The following EXT1 variants were observed in gnomAD, a reference collection of about 807,000 sequenced individuals.
EXT1 encodes exostosin-1.
EXT1 carries 20 observed loss-of-function variants against 82.5 expected under a neutral mutation model. That is an observed-to-expected ratio of 0.24 (90% CI 0.17 to 0.35). The LOEUF (loss-of-function observed/expected upper bound fraction) is 0.35. EXT1 is among the 10% of genes least tolerant of loss of function. The probability of loss-of-function intolerance (pLI) is 1.00; values close to 1 mark genes in which losing one functional copy is unlikely to be tolerated. For synonymous variants in EXT1, 348 were observed against 350.8 expected (o/e 0.99, Z 0.09); for missense variants, 757 against 936.5 (o/e 0.81, Z 2.50).
intron 1 of EXT1, among the ~76,000 whole-genome samples, chr8:118,046,810 G>A (rs910596531): frequency 2.0e-5 from 3 of 152,168 alleles, no homozygotes; most frequent in Non-Finnish European, 4.4e-5. Context: ...GAAGTATAAT[G>A]GAAGAATGAA....
intron 1 of EXT1, among the ~76,000 whole-genome samples, chr8:117,894,235 C>G (rs764196711): frequency 6.6e-6 from 1 of 151,854 alleles, no homozygotes; most frequent in East Asian, 1.9e-4. Context: ...GATGAGGTCT[C>G]GCTATATTGT....
chr8:117,804,722 C>T lies in EXT1; in HGVS notation c.2055G>A (p.Gln685=), dbSNP rs2129693289. The T allele has an allele frequency of 1.2e-6, 2 of 1,614,032 alleles. No homozygotes were observed. Among genetic ancestry groups the T allele is most frequent in the Non-Finnish European group, 1.7e-6 (2 of 1,179,912 alleles). ...GGGAAGAGGGCTCTTCTATACTTAC[C>T]TGTCCCATCATTGTCTCCTTATACT... The part of the protein sequence containing the change: ...KKQYKETMMG[Q]TSRASRWADP... The change falls in exon 10 of 11, where the codon CAG becomes CAA. Residue 685 remains glutamine (Q), a splice_region_variant and synonymous_variant. Transcript: ENST00000378204.
chr8:117,938,467 TAATAAC>T (rs1415653464), intron 1 of EXT1, among the ~76,000 whole-genome samples: 1 of 151,004 alleles, frequency 6.6e-6, no homozygotes, highest in Non-Finnish European at 1.5e-5. Context: ...AACTCAAAAA[TAATAAC>T]AATAATAATA....
At chr8:117,951,205 T>C (rs532125032) in intron 1 of EXT1, among the ~76,000 whole-genome samples, 13 of 152,206 alleles carry the variant, frequency 8.5e-5, no homozygotes, top group Non-Finnish European at 1.8e-4. Context: ...AGAAATAACT[T>C]GGCAACCAGG....
intron 1 of EXT1, among the ~76,000 whole-genome samples, chr8:118,015,657 A>C (rs1351141988): frequency 6.6e-6 from 1 of 152,188 alleles, no homozygotes; most frequent in East Asian, 1.9e-4. Context: ...GACGGCATCT[A>C]AACTAAGAAG....
chr8:117,875,890 T>C (rs190225535), intron 1 of EXT1, among the ~76,000 whole-genome samples: 1 of 152,186 alleles, frequency 6.6e-6, no homozygotes, highest in East Asian at 1.9e-4. Flanking sequence ...GTAGAACCAG[T>C]TTCTAAATTC....
intron 1 of EXT1, among the ~76,000 whole-genome samples, chr8:117,864,907 C>A (rs1331740705): frequency 5.9e-5 from 9 of 152,120 alleles, no homozygotes; most frequent in Admixed American, 5.9e-4. Context: ...TACTTCCTTC[C>A]TCTTCTCCAA....
At chr8:118,031,118 T>C (rs997586773) in intron 1 of EXT1, among the ~76,000 whole-genome samples, 14 of 152,004 alleles carry the variant, frequency 9.2e-5, no homozygotes, top group African/African-American at 3.4e-4. Context: ...AAAGTACAGA[T>C]GGGGTGTGGG....
intron 1 of EXT1, among the ~76,000 whole-genome samples, chr8:118,055,110 C>T (rs73327803): frequency 0.022 from 3,399 of 152,220 alleles, 108 homozygotes; most frequent in African/African-American, 0.078. Context: ...ATACCCATCA[C>T]TCTTTAAAGT....
chr8:117,826,077 A>G (rs148038750), intron 4 of EXT1, among the ~76,000 whole-genome samples: 1 of 152,156 alleles, frequency 6.6e-6, no homozygotes, highest in Non-Finnish European at 1.5e-5. Flanking sequence ...GTTAGTTCTC[A>G]ATTTTCACAA....
intron 1 of EXT1, among the ~76,000 whole-genome samples, chr8:117,986,190 T>TTCTTTTC (rs1554591457): frequency 0.16 from 3,260 of 19,816 alleles, 96 homozygotes; most frequent in African/African-American, 0.48. Context: ...TTCTTTTCTT[T>TTCTTTTC]TTTTTTTTTT....
At chr8:118,025,195 A>G (rs907396629) in intron 1 of EXT1, among the ~76,000 whole-genome samples, 4 of 152,208 alleles carry the variant, frequency 2.6e-5, no homozygotes, top group African/African-American at 9.6e-5. Flanking sequence ...AAAGAGACAC[A>G]GGACTAAGGT....
At chr8:117,914,264 T>C (rs1813704753) in intron 1 of EXT1, among the ~76,000 whole-genome samples, 1 of 152,352 alleles carries the variant, frequency 6.6e-6, no homozygotes, top group Middle Eastern at 3.4e-3. Context: ...TATAATTTCT[T>C]ACACTTGTCT....
intron 1 of EXT1, among the ~76,000 whole-genome samples, chr8:117,884,991 G>A (rs750249455): frequency 1.3e-5 from 2 of 152,196 alleles, no homozygotes; most frequent in Admixed American, 6.5e-5. Flanking sequence ...ATACAGGCCT[G>A]CTGATTTTTT....
intron 1 of EXT1, among the ~76,000 whole-genome samples, chr8:117,892,123 A>G (rs757678023): frequency 2.0e-5 from 3 of 152,066 alleles, no homozygotes; most frequent in Non-Finnish European, 4.4e-5. Context: ...TTTTCTTAGC[A>G]CCAGTCCACT....
chr8:118,006,500 C>G (rs1216537811), intron 1 of EXT1, among the ~76,000 whole-genome samples: 1 of 152,068 alleles, frequency 6.6e-6, no homozygotes, highest in Admixed American at 6.5e-5. Context: ...CTGTGAAATG[C>G]CTATAATACT....
Position 117,822,506 on chromosome 8 carries a change from G to A in EXT1, c.1376C>T (p.Ser459Leu). ...GTAAGGAAAATCTCCCAGATAAGAT[G>A]AATACTGTGGTAGTACGAACAATCC... is the stretch of plus-strand genomic sequence containing the variant. Reference protein sequence around the residue: ...PGGLFVLPQYSSYLGDFPYYY... With the variant: ...PGGLFVLPQYLSYLGDFPYYY... Residue 459 changes from serine to leucine, a missense_variant, in exon 5 of 11, where the codon TCA (serine) becomes TTA (leucine). By Grantham distance (145) the Ser-to-Leu change is moderately radical. Transcript: ENST00000378204. 1 of 1,613,434 alleles carries A rather than the reference G, an allele frequency of 6.2e-7. No individual in the cohort carries two copies. The highest frequency in any genetic ancestry group is 8.5e-7 in the Non-Finnish European group (1 of 1,179,738).
chr8:117,822,405 T>G, intron 5 of EXT1, 60 bp downstream of exon 5: 3 of 1,589,586 alleles, frequency 1.9e-6, no homozygotes, highest in Non-Finnish European at 2.6e-6. Flanking sequence ...TAAAGGCCTT[T>G]AGTTCTGTAT....
At chr8:118,063,942 C>T (rs1159380579) in intron 1 of EXT1, among the ~76,000 whole-genome samples, 1 of 152,188 alleles carries the variant, frequency 6.6e-6, no homozygotes, top group Non-Finnish European at 1.5e-5. Flanking sequence ...TCTCAGCTCA[C>T]TGCAAATTCA....
Sources: allele counts gnomAD v4.1 joint callset (sites outside exome capture counted in the v4.1 genomes callset), GRCh38; gene constraint gnomAD v4.1.1; transcripts MANE v1.5; gene names NCBI Gene and HGNC (gene_info 2026-07-23, HGNC 2026-07-21).